Variants in DNAJC18 observed in about 807,000 individuals in gnomAD.
The protein encoded by DNAJC18 is dnaJ homolog subfamily C member 18.
Under a neutral mutation model 48.6 loss-of-function variants are expected in DNAJC18, and 40 were observed. That is an observed-to-expected ratio of 0.82 (90% confidence interval 0.64 to 1.07). The LOEUF is 1.07. Among genes scored for constraint, DNAJC18 ranks in the 50% least tolerant of loss-of-function variants. DNAJC18 has a pLI of 0.00. For synonymous variants in DNAJC18, 135 were observed against 152.2 expected (o/e 0.89, Z 0.83); for missense variants, 340 against 427.7 (o/e 0.79, Z 1.81).
intron 7 of DNAJC18, among the ~76,000 whole-genome samples, chr5:139,416,243 T>G (rs1355609105): frequency 2.6e-5 from 4 of 152,348 alleles, no homozygotes; most frequent in East Asian, 1.9e-4. Context: ...AAAAAAATTT[T>G]GGGGAGTGGC....
Position 139,439,488 on chromosome 5 carries a change from C to T in DNAJC18, c.-43G>A, listed in dbSNP as rs367986275. 1.2e-6 allele frequency: 2 copies of T among 1,613,478 alleles called. No homozygotes were observed. The highest frequency in any genetic ancestry group is 1.7e-4 in the Middle Eastern group (1 of 6,054). On this transcript the variant is annotated 5_prime_UTR_variant, in exon 1 of 8. Coordinates refer to ENST00000302060, the MANE Select transcript of DNAJC18 (RefSeq NM_152686.4). This position sits in a 1 kb window ranked among gnomAD's most constrained non-coding sequence, Gnocchi z 4.1. ...AGGTCCGCCGAGCCTCCCCCGTGCC[C>T]GAGGCTGAAAGAGAAGGGGGCGCGG...
At chr5:139,426,512 T>C (rs1425504472) in intron 3 of DNAJC18, among the ~76,000 whole-genome samples, 155 bp from the exon 4 acceptor site, 1 of 152,154 alleles carries the variant, frequency 6.6e-6, no homozygotes, top group African/African-American at 2.4e-5. Context: ...TTCTCCACAG[T>C]GCTTGCCCTT....
chr5:139,434,003 C>T (rs145710985), intron 2 of DNAJC18, among the ~76,000 whole-genome samples: 4,980 of 152,026 alleles, frequency 0.033, 119 homozygotes, highest in Non-Finnish European at 0.053. Context: ...ACAATTCTCC[C>T]GCCTCAGCCT....
chr5:139,420,157 A>C lies in DNAJC18; in HGVS notation c.848T>G (p.Phe283Cys), dbSNP rs1448072937. ...LQVPYFVDKNFDKAYRGASLH... is the reference protein window; with the variant it reads ...LQVPYFVDKNCDKAYRGASLH... Reference sequence around the variant, plus strand: ...AGAAGCTCCTCTGTAGGCCTTGTCAAAGTTTTTATCCACAAAGTAAGGCAC... The same window carrying C: ...AGAAGCTCCTCTGTAGGCCTTGTCACAGTTTTTATCCACAAAGTAAGGCAC... The change falls in exon 7 of 8, where the codon TTT (phenylalanine) becomes TGT (cysteine). Residue 283 changes from phenylalanine to cysteine, a missense_variant. By Grantham distance (205) the Phe-to-Cys change is radical. Coordinates refer to ENST00000302060, the MANE Select transcript of DNAJC18 (RefSeq NM_152686.4). 1.2e-6 allele frequency: 2 copies of C among 1,612,044 alleles called. No individual in the cohort carries two copies. Among genetic ancestry groups the C allele is most frequent in the Non-Finnish European group, 1.7e-6 (2 of 1,179,532 alleles).
chr5:139,428,334 T>C (rs1398033461), intron 3 of DNAJC18, among the ~76,000 whole-genome samples: 1 of 151,836 alleles, frequency 6.6e-6, no homozygotes. Flanking sequence ...GAGGTGGAGG[T>C]TGCAGTGAGC....
At chr5:139,428,253 C>T (rs914161213) in intron 3 of DNAJC18, among the ~76,000 whole-genome samples, 6 of 151,972 alleles carry the variant, frequency 3.9e-5, no homozygotes, top group South Asian at 2.1e-4. Flanking sequence ...AAAAATTAGC[C>T]GGGCATGGTG....
chr5:139,430,551 CTAAA>C (rs992354594), intron 2 of DNAJC18, among the ~76,000 whole-genome samples: 4 of 151,278 alleles, frequency 2.6e-5, no homozygotes, highest in African/African-American at 9.7e-5. Flanking sequence ...GCATTTAATA[CTAAA>C]TAAATATTAC....
chr5:139,435,493 G>A (rs1269511980), intron 2 of DNAJC18, among the ~76,000 whole-genome samples: 1 of 152,072 alleles, frequency 6.6e-6, no homozygotes, highest in Non-Finnish European at 1.5e-5. Flanking sequence ...GCAATACTGG[G>A]ATAAATCCCA....
intron 7 of DNAJC18, among the ~76,000 whole-genome samples, chr5:139,419,810 C>A (rs1759123721): frequency 6.6e-6 from 1 of 152,176 alleles, no homozygotes. Context: ...CAAAGAGAGA[C>A]AGACATACAG....
rs140602745 is a variant in DNAJC18 at position 139,429,886 on chromosome 5, C to T, written c.228-1203G>A. ...AGGCTGCAGTGAGTTATGATTGTTC[C>T]ACTACACTCTAGCCTGGGCAACAGA... On this transcript the variant is annotated intron_variant, in intron 2 of 7. Transcript: ENST00000302060. Among the ~76,000 whole-genome samples, 19 of 152,236 alleles carry T rather than the reference C, an allele frequency of 1.2e-4. 1 individual carries two copies. The highest frequency in any genetic ancestry group is 3.6e-4 in the African/African-American group (15 of 41,544).
intron 2 of DNAJC18, among the ~76,000 whole-genome samples, chr5:139,435,449 T>A (rs1460124050): frequency 6.6e-6 from 1 of 152,218 alleles, no homozygotes; most frequent in African/African-American, 2.4e-5. Flanking sequence ...CATGGTATGT[T>A]ACATTGATTG....
intron 3 of DNAJC18, among the ~76,000 whole-genome samples, chr5:139,427,161 T>C (rs1759257360): frequency 6.6e-6 from 1 of 152,194 alleles, no homozygotes; most frequent in Admixed American, 6.5e-5. Context: ...CCTGCTTGAC[T>C]AAAAACAAAG....
In DNAJC18 at chr5:139,437,495, G is replaced by A; in HGVS notation, c.104C>T (p.Pro35Leu). ...CTTCATGCAGTTACAGCAGCCACAG[G>A]GGTCATGACTCTCAGGAGGTGTGTC... is the stretch of plus-strand genomic sequence containing the variant. ...PEDTPPESHDPCGCCNCMKAQ... is the reference protein window; with the variant it reads ...PEDTPPESHDLCGCCNCMKAQ... Residue 35 changes from proline (P) to leucine (L), a missense_variant, in exon 2 of 8, where the codon CCC becomes CTC. Coordinates refer to ENST00000302060, the MANE Select transcript of DNAJC18 (RefSeq NM_152686.4). 6.2e-7 allele frequency: 1 copy of A among 1,614,060 alleles called. No individual in the cohort carries two copies. The highest frequency in any genetic ancestry group is 8.5e-7 in the Non-Finnish European group (1 of 1,180,014).
In DNAJC18 at chr5:139,439,374, CCCTATCCCT is replaced by C. The variant is rs761500580; in HGVS notation, c.40+23_40+31del. On this transcript the variant is annotated intron_variant, in intron 1 of 7. Transcript: ENST00000302060. The surrounding 1 kb of genome is among the most constrained non-coding windows in gnomAD (Gnocchi z 4.1). ...CATCCCTGATCTCTCCCGAAGGCCG[CCCTATCCCT>C]CCTTCAGGCGGGGACCTAGTACCTT... 1.9e-5 allele frequency: 31 copies of C among 1,614,074 alleles called. No homozygotes were observed. The highest frequency in any genetic ancestry group is 2.6e-5 in the Non-Finnish European group (31 of 1,180,044).
rs749459331 is a variant in DNAJC18, at chr5:139,414,131, G to A, written c.*17C>T. 19 of 1,608,392 alleles carry A rather than the reference G, an allele frequency of 1.2e-5. No individual in the cohort carries two copies. The highest frequency in any genetic ancestry group is 1.7e-4 in the Middle Eastern group (1 of 6,050). ...ACAAGTAGCAAAACCCCAGCCCTGC[G>A]TAGGACCATTATCCTCTCAGCCACC... is the stretch of plus-strand genomic sequence containing the variant. On this transcript the variant is annotated 3_prime_UTR_variant, in exon 8 of 8. Transcript: ENST00000302060.
rs1759027232 is a variant in DNAJC18 at position 139,413,561 on chromosome 5, AG to A, written c.*586del. ...TAAGGAAATAAAGGAATCTCAAATT[AG>A]GCAGTTTGCTAATGCTACTAACTGA... On this transcript the variant is annotated 3_prime_UTR_variant, in exon 8 of 8. Coordinates refer to ENST00000302060, the MANE Select transcript of DNAJC18 (RefSeq NM_152686.4). 6.6e-6 allele frequency: 1 copy of A among 152,330 alleles called. No individual in the cohort carries two copies. The highest frequency in any genetic ancestry group is 2.1e-4 in the South Asian group (1 of 4,834). 9.4% of individuals were successfully genotyped at this position (152,330 alleles called of 1,614,324 possible).
At chr5:139,414,599 C>T (rs916956371) in intron 7 of DNAJC18, among the ~76,000 whole-genome samples, 8 of 152,240 alleles carry the variant, frequency 5.3e-5, no homozygotes, top group African/African-American at 7.2e-5. Context: ...CTCCTACAAA[C>T]GGGATTCCAA....
Position 139,437,530 on chromosome 5 carries a change from T to A in DNAJC18, c.69A>T (p.Lys23Asn). The change falls in exon 2 of 8, where the codon AAA (lysine) becomes AAT (asparagine). Residue 23 changes from lysine (K) to asparagine (N), a missense_variant. By Grantham distance (94) the Lys-to-Asn change is moderately conservative. Coordinates refer to ENST00000302060, the MANE Select transcript of DNAJC18 (RefSeq NM_152686.4). ...EAYIDAVRRN[K>N]YPEDTPPESH... ...TCTCAGGAGGTGTGTCTTCTGGGTA[T>A]TTGTTTCTTCTAACTGCGTCAATGT... is the stretch of plus-strand genomic sequence containing the variant. The A allele has an allele frequency of 6.2e-7, 1 of 1,613,374 alleles. No homozygotes were observed. Among genetic ancestry groups the A allele is most frequent in the Non-Finnish European group, 8.5e-7 (1 of 1,179,766 alleles).
chr5:139,430,226 A>C (rs1402634211), intron 2 of DNAJC18, among the ~76,000 whole-genome samples: 1 of 152,268 alleles, frequency 6.6e-6, no homozygotes, highest in African/African-American at 2.4e-5. Context: ...ATTACATGTC[A>C]TGTAGCCTCT....
Sources: allele counts gnomAD v4.1 joint callset (sites outside exome capture counted in the v4.1 genomes callset), GRCh38; gene constraint gnomAD v4.1.1; non-coding constraint Gnocchi (gnomAD v3.1); transcripts MANE v1.5; gene names NCBI Gene and HGNC (gene_info 2026-07-23, HGNC 2026-07-21).